FRAS1: variants seen among roughly 807,000 people sequenced by gnomAD.
FRAS1 encodes Fraser extracellular matrix complex subunit 1.
A neutral mutation model predicts 435.2 loss-of-function variants in FRAS1; 290 were observed. The observed-to-expected ratio is 0.67, with a 90% CI of 0.61 to 0.73. The LOEUF is 0.73. Among genes scored for constraint, FRAS1 ranks in the 30% least tolerant of loss-of-function variants. The pLI is 0.00. For synonymous variants in FRAS1, 1,800 were observed against 1,851.0 expected (o/e 0.97, Z 0.71); for missense variants, 4,860 against 5,001.5 (o/e 0.97, Z 0.85).
At chr4:78,337,905 A>G (rs779059413) in intron 20 of FRAS1, 88 bp downstream of exon 20, 19 of 1,300,354 alleles carry the variant, frequency 1.5e-5, no homozygotes, top group Admixed American at 1.8e-5. Flanking sequence ...CTTTGTCCTC[A>G]GTTTATGAGC....
chr4:78,446,327 T>G (rs751667215), intron 42 of FRAS1: 698 of 1,025,312 alleles, frequency 6.8e-4, no homozygotes, highest in Non-Finnish European at 7.7e-4. Context: ...CACTTTCAAA[T>G]ATAGTGTCCT....
intron 2 of FRAS1, among the ~76,000 whole-genome samples, chr4:78,094,871 A>G (rs1741713334): frequency 6.6e-6 from 1 of 152,066 alleles, no homozygotes; most frequent in Non-Finnish European, 1.5e-5. Context: ...TGATTTCCTC[A>G]TCTGTAAAAT....
In FRAS1 at chr4:78,470,037, G is replaced by T. The variant is rs369764135; in HGVS notation, c.7317G>T (p.Thr2439=). 6.2e-7 allele frequency: 1 copy of T among 1,613,686 alleles called. No individual in the cohort carries two copies. Among genetic ancestry groups the T allele is most frequent in the South Asian group, 1.1e-5 (1 of 91,040 alleles). ...RVDILPVDDG[T]PRIVTNLGLQ... is the part of the protein sequence containing the mutation. ...ACATCCTCCCGGTAGATGATGGCAC[G>T]CCTAGAATTGTCACCAACCTGGGAC... The change falls in exon 51 of 74, where the codon ACG becomes ACT. Residue 2439 remains threonine, a synonymous_variant. Transcript: ENST00000512123.
intron 3 of FRAS1, among the ~76,000 whole-genome samples, chr4:78,243,786 A>T (rs1017216686): frequency 1.3e-5 from 2 of 152,168 alleles, no homozygotes; most frequent in Non-Finnish European, 2.9e-5. Context: ...AAAGAAAACT[A>T]ATCTGGGGGC....
chr4:78,128,872 G>A (rs939475473), intron 2 of FRAS1, among the ~76,000 whole-genome samples: 2 of 152,106 alleles, frequency 1.3e-5, no homozygotes, highest in African/African-American at 2.4e-5. Context: ...TTCTTCTAGG[G>A]TTTTTATGGT....
intron 2 of FRAS1, among the ~76,000 whole-genome samples, chr4:78,178,280 G>A (rs1233906045): frequency 6.6e-6 from 1 of 152,158 alleles, no homozygotes; most frequent in South Asian, 2.1e-4. Flanking sequence ...ATTACTGCAG[G>A]CACCTTAAAA....
At chr4:78,429,066 C>CTGTG in intron 35 of FRAS1, 29 bp from the exon 36 acceptor site, 1 of 1,196,964 alleles carries the variant, frequency 8.4e-7, no homozygotes, top group Non-Finnish European at 1.2e-6. Context: ...GTGTGTGTCT[C>CTGTG]TGTGTGTGTG....
At position 78,369,949 on chromosome 4, in the gene FRAS1, A is replaced by G. The variant is rs949194676; in HGVS notation, c.2834A>G (p.Gln945Arg). The change falls in exon 23 of 74, where the codon CAG (glutamine) becomes CGG (arginine). Residue 945 changes from glutamine (Q) to arginine (R), a missense_variant. By Grantham distance (43) the Gln-to-Arg change is conservative. Transcript: ENST00000512123. Reference sequence around the variant, plus strand: ...TGTCAATACGAGAGCTGCGCCCCACAGTACTATCTTGACTTCTCCACCAAC... The same window carrying G: ...TGTCAATACGAGAGCTGCGCCCCACGGTACTATCTTGACTTCTCCACCAAC... ...GECQYESCAP[Q>R]YYLDFSTNTC... 1.5e-5 allele frequency: 24 copies of G among 1,613,780 alleles called. No homozygotes were observed. The highest frequency in any genetic ancestry group is 2.0e-5 in the Non-Finnish European group (24 of 1,179,716).
intron 2 of FRAS1, among the ~76,000 whole-genome samples, chr4:78,142,272 A>G (rs1032270320): frequency 1.3e-5 from 2 of 152,066 alleles, no homozygotes; most frequent in African/African-American, 4.8e-5. Flanking sequence ...AAGCTGAGCT[A>G]TCAGTTAGGT....
intron 27 of FRAS1, among the ~76,000 whole-genome samples, chr4:78,381,769 G>A (rs924908999): frequency 6.6e-6 from 1 of 152,102 alleles, no homozygotes; most frequent in South Asian, 2.1e-4. Flanking sequence ...TGGAATCATA[G>A]CTTTGTACCC....
At position 78,443,068 on chromosome 4, in the gene FRAS1, G is replaced by A. The variant is rs543461403; in HGVS notation, c.5665+1771G>A. Among the ~76,000 whole-genome samples, 7 of 152,322 alleles carry A rather than the reference G, an allele frequency of 4.6e-5. No homozygotes were observed. The East Asian group carries it at 1.3e-3, about 29-fold the overall frequency. On this transcript the variant is annotated intron_variant, in intron 41 of 73. Transcript: ENST00000512123. Reference sequence around the variant, plus strand: ...GTGACTTATGTATAAGAAACTAGCAGCTGGGCACAGTGGCTCAAGCCTGTC... The same window carrying A: ...GTGACTTATGTATAAGAAACTAGCAACTGGGCACAGTGGCTCAAGCCTGTC...
intron 41 of FRAS1, 79 bp from the exon 42 acceptor site, chr4:78,445,443 G>T: frequency 7.0e-7 from 1 of 1,433,422 alleles, no homozygotes; most frequent in Middle Eastern, 1.9e-4. Flanking sequence ...TGCCGAAAAT[G>T]ATACCTTGTT....
chr4:78,273,842 G>C (rs1726849364), intron 9 of FRAS1, among the ~76,000 whole-genome samples: 2 of 152,186 alleles, frequency 1.3e-5, no homozygotes, highest in Non-Finnish European at 2.9e-5. Context: ...ATGAGTTAGG[G>C]AGGATTCCCT....
At chr4:78,495,108 G>T in intron 59 of FRAS1, among the ~76,000 whole-genome samples, 1 of 151,534 alleles carries the variant, frequency 6.6e-6, no homozygotes, top group South Asian at 2.1e-4. Flanking sequence ...TAGCTTATTG[G>T]GTTTCCAATA....
intron 2 of FRAS1, among the ~76,000 whole-genome samples, chr4:78,153,849 T>G (rs1720771937): frequency 6.6e-6 from 1 of 152,214 alleles, no homozygotes; most frequent in Non-Finnish European, 1.5e-5. Context: ...TCTTTTCATG[T>G]TCTTTATAAC....
intron 2 of FRAS1, among the ~76,000 whole-genome samples, chr4:78,172,657 AT>A (rs1199354384): frequency 3.3e-5 from 5 of 152,188 alleles, no homozygotes; most frequent in East Asian, 3.9e-4. Context: ...AAAAAGTAAG[AT>A]TTTTTTAGTG....
chr4:78,469,833 A>G (rs1488975809), intron 50 of FRAS1, 145 bp from the exon 51 acceptor site: 4 of 676,698 alleles, frequency 5.9e-6, no homozygotes, highest in African/African-American at 1.8e-5. Context: ...TGCCAGGATG[A>G]TAAGGGATGG....
intron 2 of FRAS1, among the ~76,000 whole-genome samples, chr4:78,112,353 T>G (rs1742781663): frequency 6.6e-6 from 1 of 152,212 alleles, no homozygotes; most frequent in Admixed American, 6.5e-5. Flanking sequence ...ACATTTAGAC[T>G]TAACCTCTGC....
At chr4:78,459,438 A>G (rs1052114692) in intron 47 of FRAS1, among the ~76,000 whole-genome samples, 3 of 152,234 alleles carry the variant, frequency 2.0e-5, no homozygotes, top group Non-Finnish European at 4.4e-5. Context: ...GGCAGAGGAC[A>G]GGGGGAGCCC....
Sources: allele counts gnomAD v4.1 joint callset (sites outside exome capture counted in the v4.1 genomes callset), GRCh38; gene constraint gnomAD v4.1.1; transcripts MANE v1.5; gene names NCBI Gene and HGNC (gene_info 2026-07-23, HGNC 2026-07-21).